Variants in SLC14A2 observed in about 807,000 individuals in gnomAD.
The protein encoded by SLC14A2 is urea transporter 2.
A neutral mutation model predicts 104.6 loss-of-function variants in SLC14A2; 91 were observed. That is an observed-to-expected ratio of 0.87 (90% CI 0.73 to 1.04). SLC14A2 has a LOEUF of 1.04. SLC14A2 is among the 50% of genes least tolerant of loss of function. The probability of loss-of-function intolerance (pLI) is 0.00; values close to 1 mark genes in which losing one functional copy is unlikely to be tolerated. For synonymous variants in SLC14A2, 476 were observed against 466.4 expected (o/e 1.02, Z -0.27); for missense variants, 1,189 against 1,156.0 (o/e 1.03, Z -0.41).
At chr18:45,402,909 A>T (rs1398946166) in intron 1 of SLC14A2, among the ~76,000 whole-genome samples, 2 of 152,234 alleles carry the variant, frequency 1.3e-5, no homozygotes, top group Non-Finnish European at 2.9e-5. Context: ...TGTGCACACT[A>T]CTAGGAATGT....
chr18:45,583,167 A>C (rs1247249266), intron 2 of SLC14A2, among the ~76,000 whole-genome samples: 1 of 152,156 alleles, frequency 6.6e-6, no homozygotes, highest in Admixed American at 6.5e-5. Context: ...TGTGCTCTAA[A>C]TCCTCTTTCA....
intron 1 of SLC14A2, among the ~76,000 whole-genome samples, chr18:45,305,280 G>T (rs190651054): frequency 6.6e-6 from 1 of 152,232 alleles, no homozygotes; most frequent in African/African-American, 2.4e-5. Flanking sequence ...GGGCACCCAA[G>T]GGTGAGTCAA....
At chr18:45,253,844 GT>G (rs1396112021) in intron 1 of SLC14A2, among the ~76,000 whole-genome samples, 2 of 152,124 alleles carry the variant, frequency 1.3e-5, no homozygotes, top group Non-Finnish European at 2.9e-5. Flanking sequence ...ATAATAGTTT[GT>G]TTTGTTTTTA....
Position 45,624,659 on chromosome 18 carries a change from G to C in SLC14A2, c.-6G>C. 6.2e-7 allele frequency: 1 copy of C among 1,608,284 alleles called. No individual in the cohort carries two copies. Among genetic ancestry groups the C allele is most frequent in the Non-Finnish European group, 8.5e-7 (1 of 1,177,044 alleles). ...ATCGATAGAAGAGTGGCTGTGACCC[G>C]AAGGAATGTCTGACCCCCACAGCAG... On this transcript the variant is annotated 5_prime_UTR_variant, in exon 2 of 20. Transcript: ENST00000255226.
intron 1 of SLC14A2, among the ~76,000 whole-genome samples, chr18:45,269,436 T>A (rs987870758): frequency 4.6e-5 from 7 of 151,998 alleles, no homozygotes; most frequent in Non-Finnish European, 1.0e-4. Context: ...AGTGCTAATG[T>A]CCACAGCCCC....
upstream of SLC14A2, chr18:45,615,189 T>G (rs1315155399): frequency 6.6e-6 from 1 of 152,252 alleles, no homozygotes; most frequent in East Asian, 1.9e-4. Flanking sequence ...AATACTGGAA[T>G]AAGTTAAGAC....
At chr18:45,370,636 G>A (rs920979452) in intron 1 of SLC14A2, among the ~76,000 whole-genome samples, 2 of 152,136 alleles carry the variant, frequency 1.3e-5, no homozygotes, top group Admixed American at 1.3e-4. Context: ...GTGCTTAGGA[G>A]CAGGGCGCCC....
intron 1 of SLC14A2, among the ~76,000 whole-genome samples, chr18:45,240,422 C>T (rs1342930018): frequency 2.0e-5 from 3 of 151,868 alleles, no homozygotes. Flanking sequence ...TACTGATTTC[C>T]TTTCCTCTGG....
chr18:45,518,576 G>C (rs1568255082), intron 2 of SLC14A2, among the ~76,000 whole-genome samples: 1 of 152,194 alleles, frequency 6.6e-6, no homozygotes, highest in Non-Finnish European at 1.5e-5. Flanking sequence ...AGAGAACCCA[G>C]AGGAAGAGAC....
intron 5 of SLC14A2, among the ~76,000 whole-genome samples, chr18:45,634,591 G>A (rs2045390289): frequency 6.6e-6 from 1 of 152,202 alleles, no homozygotes; most frequent in Non-Finnish European, 1.5e-5. Context: ...CTGGGGAAGT[G>A]TGATGTATTC....
chr18:45,298,988 A>C (rs867910220), intron 1 of SLC14A2, among the ~76,000 whole-genome samples: 104 of 152,336 alleles, frequency 6.8e-4, no homozygotes, highest in African/African-American at 2.3e-3. Flanking sequence ...AAAAAAAAAA[A>C]ATGCAGAGTA....
At chr18:45,457,605 C>A (rs187671831) in intron 1 of SLC14A2, among the ~76,000 whole-genome samples, 72 of 151,222 alleles carry the variant, frequency 4.8e-4, no homozygotes, top group Admixed American at 1.8e-3. Flanking sequence ...TGTTTGAAAG[C>A]AACAAGTTAG....
the SLC14A2 span, among the ~76,000 whole-genome samples, chr18:45,192,103 C>T: frequency 6.6e-6 from 1 of 152,152 alleles, no homozygotes; most frequent in Non-Finnish European, 1.5e-5. Flanking sequence ...CATTGAACCC[C>T]TCTTCCCTGC....
intron 1 of SLC14A2, among the ~76,000 whole-genome samples, chr18:45,385,913 A>G (rs947600288): frequency 6.6e-6 from 1 of 152,156 alleles, no homozygotes; most frequent in African/African-American, 2.4e-5. Context: ...AAGCAGCTGA[A>G]GCTTTCACTG....
chr18:45,412,541 G>A (rs891340228), intron 1 of SLC14A2, among the ~76,000 whole-genome samples: 2 of 152,132 alleles, frequency 1.3e-5, no homozygotes, highest in Admixed American at 1.3e-4. Context: ...AGCCAGCCCA[G>A]AACCTCACCC....
intron 2 of SLC14A2, among the ~76,000 whole-genome samples, chr18:45,536,138 G>A (rs2043778037): frequency 1.3e-5 from 2 of 152,328 alleles, no homozygotes; most frequent in African/African-American, 4.8e-5. Context: ...TATTGCCTAT[G>A]TGAGAGAAAA....
At chr18:45,453,889 T>C (rs1420511931) in intron 1 of SLC14A2, among the ~76,000 whole-genome samples, 6 of 122,622 alleles carry the variant, frequency 4.9e-5, no homozygotes, top group African/African-American at 1.6e-4. Context: ...AGACAGAGTC[T>C]CACTCTGTCA....
At chr18:45,319,691 A>G (rs574973589) in intron 1 of SLC14A2, among the ~76,000 whole-genome samples, 2 of 152,312 alleles carry the variant, frequency 1.3e-5, no homozygotes, top group East Asian at 3.9e-4. Context: ...TCCAGTAAAC[A>G]CCTTATTCTC....
intron 2 of SLC14A2, among the ~76,000 whole-genome samples, chr18:45,495,013 G>T (rs2043069384): frequency 6.6e-6 from 1 of 151,874 alleles, no homozygotes; most frequent in African/African-American, 2.4e-5. Flanking sequence ...AAGCCAGGTT[G>T]TTCAGTGTCT....
Sources: gnomAD v4.1 joint callset for allele counts (sites outside exome capture counted in the v4.1 genomes callset) on GRCh38, gnomAD v4.1.1 for gene constraint, MANE v1.5 for transcripts, NCBI Gene and HGNC (gene_info 2026-07-23, HGNC 2026-07-21) for gene names.